GLYATL1: variants seen among roughly 807,000 people sequenced by gnomAD.
The protein encoded by GLYATL1 is glycine N-acyltransferase-like protein 1.
In GLYATL1, 15 loss-of-function variants were observed where a neutral mutation model predicts 20.0. The observed-to-expected ratio is 0.75, with a 90% CI of 0.50 to 1.15. The LOEUF is 1.15. Among genes scored for constraint, GLYATL1 ranks in the 50% most tolerant of loss-of-function variants. The pLI is 0.00. For synonymous variants in GLYATL1, 151 were observed against 131.5 expected, an observed-to-expected ratio of 1.15 and a Z score of -1.01; for missense variants, 380 against 368.5, an observed-to-expected ratio of 1.03 and a Z score of -0.26.
At chr11:58,932,155 G>A (rs1302684430) in intron 1 of GLYATL1, among the ~76,000 whole-genome samples, 1 of 140,816 alleles carries the variant, frequency 7.1e-6, no homozygotes, top group East Asian at 2.1e-4. Flanking sequence ...TTTAGAGCCT[G>A]AAGCATGAAA....
intron 1 of GLYATL1, among the ~76,000 whole-genome samples, chr11:58,905,964 T>C (rs1399813981): frequency 6.6e-6 from 1 of 152,192 alleles, no homozygotes; most frequent in Non-Finnish European, 1.5e-5. Context: ...AGAGTGTCAA[T>C]TCCCAGGCTC....
intron 1 of GLYATL1, among the ~76,000 whole-genome samples, chr11:58,915,220 C>T (rs759959090): frequency 6.6e-6 from 1 of 152,210 alleles, no homozygotes; most frequent in Non-Finnish European, 1.5e-5. Flanking sequence ...AGAAGGCATA[C>T]AGTAAGTGCA....
chr11:58,952,542 G>T (rs1351011715), intron 4 of GLYATL1, among the ~76,000 whole-genome samples: 1 of 152,026 alleles, frequency 6.6e-6, no homozygotes, highest in Non-Finnish European at 1.5e-5. Flanking sequence ...TCTGATTTTG[G>T]CTACATTTTA....
intron 1 of GLYATL1, among the ~76,000 whole-genome samples, chr11:58,919,679 G>A (rs1229020683): frequency 1.3e-5 from 2 of 152,168 alleles, no homozygotes; most frequent in East Asian, 3.9e-4. Flanking sequence ...CCTGCCTGAA[G>A]CAGCTCATTA....
chr11:58,936,038 A>G (rs1855820152), upstream of GLYATL1, among the ~76,000 whole-genome samples: 2 of 152,194 alleles, frequency 1.3e-5, no homozygotes, highest in Admixed American at 1.3e-4. Context: ...TGGTTACTGA[A>G]CTTCCAGATT....
Position 58,955,339 on chromosome 11 carries a change from T to C in GLYATL1, c.477T>C (p.Asp159=), listed in dbSNP as rs1304349543. 6.2e-7 allele frequency: 1 copy of C among 1,612,936 alleles called. No homozygotes were observed. Among genetic ancestry groups the C allele is most frequent in the Non-Finnish European group, 8.5e-7 (1 of 1,179,660 alleles). ...LGSWAETGHP[D]DEFESETPNF... is the part of the protein sequence containing the mutation. ...GCTGGGCTGAGACAGGCCACCCAGATGATGAATTTGAAAGGTACAAAAACA... is the reference window on the plus strand; with the variant it reads ...GCTGGGCTGAGACAGGCCACCCAGACGATGAATTTGAAAGGTACAAAAACA... The change falls in exon 6 of 7, where the codon GAT becomes GAC. Residue 159 remains aspartate, a synonymous_variant. Coordinates refer to ENST00000532726, the MANE Select transcript of GLYATL1 (RefSeq NM_001389712.2).
At chr11:58,923,421 C>T (rs570278045), upstream of GLYATL1, among the ~76,000 whole-genome samples, 1 of 152,166 alleles carries the variant, frequency 6.6e-6, no homozygotes, top group Admixed American at 6.5e-5. Context: ...TTACACCTTA[C>T]GGAAATGAAG....
At position 58,956,214 on chromosome 11, in the gene GLYATL1, G is replaced by A; in HGVS notation, c.*187G>A. Reference sequence around the variant, plus strand: ...TGAGGAGCTTACAATCCTGGCTGGAGGCAGGGGAGGGTATATTCTTTAAAT... The same window carrying A: ...TGAGGAGCTTACAATCCTGGCTGGAAGCAGGGGAGGGTATATTCTTTAAAT... On this transcript the variant is annotated 3_prime_UTR_variant, in exon 7 of 7. Transcript: ENST00000532726. 1.7e-6 allele frequency: 1 copy of A among 604,528 alleles called. No individual in the cohort carries two copies. The highest frequency in any genetic ancestry group is 2.9e-6 in the Non-Finnish European group (1 of 345,790). 37.4% of individuals were successfully genotyped at this position (604,528 alleles called of 1,614,324 possible).
rs140807983 is a variant in GLYATL1, at chr11:58,906,966, C to A, written n.239-275C>A. Among the ~76,000 whole-genome samples, 14 of 152,190 alleles carry A rather than the reference C, an allele frequency of 9.2e-5. No homozygotes were observed. The East Asian group carries it at 2.5e-3, about 27-fold the overall frequency. On this transcript the variant is annotated intron_variant and non_coding_transcript_variant, in intron 1 of 1. Transcript: ENST00000524629. ...GTCTGTGAAGGTGGGATGTGGAATC[C>A]TTTTTTAAAAAGCTCAGAGGAGCCA... is the stretch of plus-strand genomic sequence containing the variant.
chr11:58,924,863 T>C (rs1443887766), upstream of GLYATL1, among the ~76,000 whole-genome samples: 1 of 152,224 alleles, frequency 6.6e-6, no homozygotes, highest in Non-Finnish European at 1.5e-5. Context: ...AAAGGGAGTA[T>C]TTGTTTAAGT....
chr11:58,907,000 G>A lies in GLYATL1; in HGVS notation n.239-241G>A, dbSNP rs1229444271. Among the ~76,000 whole-genome samples the A allele has an allele frequency of 2.0e-5, 3 of 152,160 alleles. 1 individual carries two copies. The highest frequency in any genetic ancestry group is 7.2e-5 in the African/African-American group (3 of 41,422). On this transcript the variant is annotated intron_variant and non_coding_transcript_variant, in intron 1 of 1. Coordinates refer to the GLYATL1 transcript ENST00000524629. ...AAAGCTCAGAGGAGCCAATTCACAG[G>A]AACAATAAAAGGTTGATCTGAGCCA...
upstream of GLYATL1, among the ~76,000 whole-genome samples, chr11:58,939,235 G>A (rs1415819795): frequency 1.3e-5 from 2 of 152,092 alleles, no homozygotes; most frequent in African/African-American, 4.8e-5. Flanking sequence ...TGCTTCCTTA[G>A]GTCGCCTGAG....
rs771289750 is a variant in GLYATL1, at chr11:58,954,842, G to T, written c.259G>T (p.Glu87Ter). 1.9e-6 allele frequency: 3 copies of T among 1,612,620 alleles called. No individual in the cohort carries two copies. Among genetic ancestry groups the T allele is most frequent in the Middle Eastern group, 1.7e-4 (1 of 6,046 alleles). Residue 87 changes from glutamate (E) to a stop codon, truncating the protein, a stop_gained, in exon 5 of 7, where the codon GAA becomes TAA. Coordinates refer to ENST00000532726, the MANE Select transcript of GLYATL1 (RefSeq NM_001389712.2). LOFTEE classifies it high-confidence loss of function. Reference protein sequence around the residue: ...MFSKEPQKSEEVLKNCEIVNW... With the variant: ...MFSKEPQKSE ...CTCCAAAGAGCCTCAAAAATCAGAAGAAGTTTTGAAAAATTGTGAGATCGT... is the reference window on the plus strand; with the variant it reads ...CTCCAAAGAGCCTCAAAAATCAGAATAAGTTTTGAAAAATTGTGAGATCGT...
intron 1 of GLYATL1, among the ~76,000 whole-genome samples, chr11:58,915,351 C>T (rs1429819935): frequency 6.6e-6 from 1 of 152,170 alleles, no homozygotes; most frequent in Admixed American, 6.5e-5. Flanking sequence ...GTGAAGGGAC[C>T]TTCAACAGAG....
upstream of GLYATL1, among the ~76,000 whole-genome samples, chr11:58,924,276 C>T (rs992117548): frequency 1.3e-5 from 2 of 152,126 alleles, no homozygotes; most frequent in African/African-American, 4.8e-5. Context: ...AAGTAAATTC[C>T]ATTAGGGGGC....
In GLYATL1 at chr11:58,955,183, A is replaced by G. The variant is rs947944800; in HGVS notation, c.321A>G (p.Gln107=). The change falls in exon 6 of 7, where the codon CAA becomes CAG. Residue 107 remains glutamine (Q), a synonymous_variant. Transcript: ENST00000532726. ...WKQRLQIQGL[Q]ESLGEGIRVA... is the part of the protein sequence containing the mutation. ...TCTTGGCTTTCTTCCCAGGTCTTCAAGAAAGTTTAGGTGAGGGGATAAGAG... is the reference window on the plus strand; with the variant it reads ...TCTTGGCTTTCTTCCCAGGTCTTCAGGAAAGTTTAGGTGAGGGGATAAGAG... 15 of 1,612,516 alleles carry G rather than the reference A, an allele frequency of 9.3e-6. No individual in the cohort carries two copies. The African/African-American group carries it at 2.0e-4, about 22-fold the overall frequency.
chr11:58,948,781 A>G (rs1294012742), intron 4 of GLYATL1, among the ~76,000 whole-genome samples: 1 of 152,254 alleles, frequency 6.6e-6, no homozygotes, highest in Admixed American at 6.5e-5. Flanking sequence ...GTGAGCATTA[A>G]TATCTCCAAT....
upstream of GLYATL1, among the ~76,000 whole-genome samples, chr11:58,937,771 A>G (rs1855899979): frequency 2.6e-5 from 4 of 152,332 alleles, no homozygotes; most frequent in South Asian, 8.3e-4. Flanking sequence ...GCCAACAGCT[A>G]TCAGATGTCT....
At chr11:58,953,689 A>T (rs996664509) in intron 4 of GLYATL1, among the ~76,000 whole-genome samples, 13 of 152,124 alleles carry the variant, frequency 8.5e-5, no homozygotes, top group Non-Finnish European at 1.8e-4. Context: ...CTTTTAAAAC[A>T]TCTACTCTTC....
Sources: gnomAD v4.1 joint callset for allele counts (sites outside exome capture counted in the v4.1 genomes callset) on GRCh38, gnomAD v4.1.1 for gene constraint, MANE v1.5 for transcripts, NCBI Gene and HGNC (gene_info 2026-07-23, HGNC 2026-07-21) for gene names.